The following DIAPH2 variants were observed in gnomAD, a reference collection of about 807,000 sequenced individuals.
The protein encoded by DIAPH2 is protein diaphanous homolog 2.
In DIAPH2, 35 loss-of-function variants were observed where a neutral mutation model predicts 92.7. The observed-to-expected ratio is 0.38, with a 90% CI of 0.29 to 0.50. The LOEUF (loss-of-function observed/expected upper bound fraction) is 0.50. Among genes scored for constraint, DIAPH2 ranks in the 20% least tolerant of loss-of-function variants. DIAPH2 has a pLI of 0.94. For missense variants in DIAPH2, 701 were observed against 819.5 expected (o/e 0.86, Z 1.77); for synonymous variants, 301 against 280.4 (o/e 1.07, Z -0.73).
chrX:97,352,831 C>G (rs1330607725), intron 24 of DIAPH2, among the ~76,000 whole-genome samples: 1 of 91,378 alleles, frequency 1.1e-5, no homozygotes, highest in Non-Finnish European at 2.1e-5. Context: ...GATCACGCCA[C>G]TGTACTCCAG....
chrX:96,939,266 T>G lies in DIAPH2; in HGVS notation c.1209T>G (p.Asp403Glu). The G allele has an allele frequency of 1.1e-6, 1 of 930,697 alleles. No homozygotes were observed. The highest frequency in any genetic ancestry group is 1.5e-6 in the Non-Finnish European group (1 of 654,332). 76.7% of individuals were successfully genotyped at this position (930,697 alleles called of 1,213,427 possible). ...TTAATATTTTTCCTTTACTTTCTAC[T>G]GATATGAATGAAGTCTACCATCTTC... ...HRLNDIRAEMDDMNEVYHLLY... is the reference protein window; with the variant it reads ...HRLNDIRAEMEDMNEVYHLLY... The change falls in exon 12 of 27, where the codon GAT becomes GAG. Residue 403 changes from aspartate (D) to glutamate (E), a missense_variant and splice_region_variant. By Grantham distance (45) the Asp-to-Glu change is conservative. Transcript: ENST00000324765.
At chrX:97,142,219 A>G (rs1248205994) in intron 22 of DIAPH2, among the ~76,000 whole-genome samples, 1 of 111,905 alleles carries the variant, frequency 8.9e-6, no homozygotes, top group East Asian at 2.8e-4. Context: ...TTATAAAATA[A>G]GGATGCATGT....
At chrX:97,272,493 T>C (rs1273873632) in intron 23 of DIAPH2, among the ~76,000 whole-genome samples, 4 of 112,133 alleles carry the variant, frequency 3.6e-5, no homozygotes, top group African/African-American at 1.3e-4. Context: ...ATTCAGTTGA[T>C]TATTTTATTA....
intron 3 of DIAPH2, among the ~76,000 whole-genome samples, chrX:96,747,411 A>T (rs191450323): frequency 8.4e-4 from 94 of 112,248 alleles, no homozygotes; most frequent in African/African-American, 3.0e-3. Context: ...TTTCATTTCA[A>T]CCTAATTTGT....
At chrX:97,529,858 G>A (rs1255894432) in intron 26 of DIAPH2, among the ~76,000 whole-genome samples, 2 of 112,101 alleles carry the variant, frequency 1.8e-5, no homozygotes, top group East Asian at 5.6e-4. Flanking sequence ...TTCTACTTCT[G>A]AAAATTGTAT....
chrX:97,149,173 A>G (rs1291596475), intron 22 of DIAPH2, among the ~76,000 whole-genome samples: 2 of 111,980 alleles, frequency 1.8e-5, no homozygotes, highest in East Asian at 2.8e-4. Flanking sequence ...CTGTTTTTAG[A>G]GTGTTTAACT....
At chrX:97,596,424 A>G (rs1349951459) in intron 26 of DIAPH2, among the ~76,000 whole-genome samples, 1 of 112,129 alleles carries the variant, frequency 8.9e-6, no homozygotes, top group Non-Finnish European at 1.9e-5. Context: ...CCCTCCATAT[A>G]ATCTCAGGTA....
intron 26 of DIAPH2, among the ~76,000 whole-genome samples, chrX:97,549,152 A>G (rs929364059): frequency 1.3e-4 from 15 of 112,030 alleles, no homozygotes; most frequent in Non-Finnish European, 2.6e-4. Context: ...CTGTGATCCA[A>G]TTTGTAGACA....
intron 25 of DIAPH2, among the ~76,000 whole-genome samples, chrX:97,404,737 CATT>C (rs1303111024): frequency 8.9e-6 from 1 of 111,937 alleles, no homozygotes; most frequent in African/African-American, 3.2e-5. Context: ...CATTCTCTGA[CATT>C]AATAAAAGTC....
chrX:97,587,227 A>T (rs972397126), intron 26 of DIAPH2, among the ~76,000 whole-genome samples: 1 of 110,591 alleles, frequency 9.0e-6, no homozygotes, highest in Non-Finnish European at 1.9e-5. Context: ...AAGTCTACTC[A>T]GGAAACCGAA....
intron 4 of DIAPH2, among the ~76,000 whole-genome samples, chrX:96,806,310 T>G (rs1319396997): frequency 9.0e-6 from 1 of 111,439 alleles, no homozygotes; most frequent in African/African-American, 3.3e-5. Flanking sequence ...ATGCTGAAAT[T>G]AGAACATTGA....
At position 96,815,962 on chromosome X, in the gene DIAPH2, C is replaced by T. The variant is rs186537681; in HGVS notation, c.447+57704C>T. On this transcript the variant is annotated intron_variant, in intron 4 of 26. Coordinates refer to ENST00000324765, the MANE Select transcript of DIAPH2 (RefSeq NM_006729.5). ...CTAGGATTACAGGCGTGAGCCACCG[C>T]GCCTGGCCTGAACAACAACTCTTGT... Among the ~76,000 whole-genome samples the T allele has an allele frequency of 7.2e-5, 8 of 111,635 alleles. No individual in the cohort carries two copies. The East Asian group carries it at 1.4e-3, about 20-fold the overall frequency.
intron 1 of DIAPH2, among the ~76,000 whole-genome samples, chrX:96,711,854 A>G (rs1675912642): frequency 9.0e-6 from 1 of 111,235 alleles, no homozygotes; most frequent in African/African-American, 3.3e-5. Flanking sequence ...CAAATGTCAT[A>G]ATATTTGTTA....
intron 23 of DIAPH2, among the ~76,000 whole-genome samples, chrX:97,281,074 G>A (rs192793657): frequency 8.9e-6 from 1 of 111,894 alleles, no homozygotes; most frequent in Admixed American, 9.5e-5. Context: ...ATCATGATAC[G>A]TTTTCTTTAA....
intron 26 of DIAPH2, among the ~76,000 whole-genome samples, chrX:97,551,825 AT>A (rs1262951551): frequency 9.0e-6 from 1 of 111,112 alleles, no homozygotes; most frequent in East Asian, 2.8e-4. Context: ...CTTTTAAGAA[AT>A]CTCTTTTTGC....
chrX:97,465,004 C>A lies in DIAPH2; in HGVS notation c.3241+35259C>A, dbSNP rs531199302. Among the ~76,000 whole-genome samples the A allele has an allele frequency of 7.2e-5, 8 of 110,828 alleles. No homozygotes were observed. In the South Asian group the frequency reaches 3.1e-3, roughly 43 times the overall value. On this transcript the variant is annotated intron_variant, in intron 26 of 26. Coordinates refer to ENST00000324765, the MANE Select transcript of DIAPH2 (RefSeq NM_006729.5). ...CTGGAATTACAGGCATGCACCACCA[C>A]GCCTGGCTAATTTTGTATTTTTAGT... is the stretch of plus-strand genomic sequence containing the variant.
intron 22 of DIAPH2, among the ~76,000 whole-genome samples, chrX:97,213,841 A>G (rs2067860122): frequency 8.9e-6 from 1 of 112,267 alleles, no homozygotes; most frequent in South Asian, 3.7e-4. Context: ...AGTAAGGGAA[A>G]CAGAAATCTG....
intron 5 of DIAPH2, among the ~76,000 whole-genome samples, chrX:96,901,532 G>GTTTT: frequency 3.0e-5 from 1 of 33,083 alleles, no homozygotes; most frequent in Non-Finnish European, 6.1e-5. Context: ...TTTTCTTTCT[G>GTTTT]TTTTTTTTTT....
At chrX:97,566,816 C>A (rs140950992) in intron 26 of DIAPH2, among the ~76,000 whole-genome samples, 1,497 of 110,416 alleles carry the variant, frequency 0.014, 84 homozygotes, top group Admixed American at 0.13. Context: ...AAGGTGGTGC[C>A]GTTAGGTGAC....
Sources: allele counts gnomAD v4.1 joint callset (sites outside exome capture counted in the v4.1 genomes callset), GRCh38; gene constraint gnomAD v4.1.1; transcripts MANE v1.5; gene names NCBI Gene and HGNC (gene_info 2026-07-23, HGNC 2026-07-21).